The following GDF6 variants were observed in gnomAD, a reference collection of about 807,000 sequenced individuals.
GDF6 encodes growth differentiation factor 6.
Under a neutral mutation model 32.4 loss-of-function variants are expected in GDF6, and 3 were observed. The observed-to-expected ratio is 0.09, with a 90% CI of 0.04 to 0.24. GDF6 has a LOEUF of 0.24. GDF6 is among the 10% of genes least tolerant of loss of function. GDF6 has a pLI of 1.00. For synonymous variants in GDF6, 296 were observed against 295.3 expected (o/e 1.00, Z -0.03); for missense variants, 589 against 637.9 (o/e 0.92, Z 0.83).
chr8:96,144,999 C>T lies in GDF6; in HGVS notation c.932G>A (p.Gly311Glu), dbSNP rs1323438917. ...GGCGCCCGACGGCGGCGGCCACGAC[C>T]CCTCGGCGCCCGCGCCCGGGCCCGC... ...EAAGPGAGAE[G>E]SWPPPSGAPD... Residue 311 changes from glycine (G) to glutamate (E), a missense_variant, in exon 2 of 2, where the codon GGG becomes GAG. Coordinates refer to ENST00000287020, the MANE Select transcript of GDF6 (RefSeq NM_001001557.4). The surrounding 1 kb of genome is among the most constrained non-coding windows in gnomAD (Gnocchi z 5.1). 3.6e-6 allele frequency: 5 copies of T among 1,375,592 alleles called. No homozygotes were observed. The highest frequency in any genetic ancestry group is 3.1e-5 in the East Asian group (1 of 31,934). 85.2% of individuals were successfully genotyped at this position (1,375,592 alleles called of 1,614,324 possible). A position where few individuals can be genotyped will look rare whatever the true frequency, so the allele number is the denominator to read the frequency against.
chr8:96,147,519 G>A (rs1812505884), intron 1 of GDF6, among the ~76,000 whole-genome samples: 1 of 152,228 alleles, frequency 6.6e-6, no homozygotes, highest in Admixed American at 6.5e-5. Context: ...GCTAAATGTG[G>A]TTAGGAATAA....
rs936122584 is a variant in GDF6, at chr8:96,145,560, T to C, written c.407-36A>G. Reference sequence around the variant, plus strand: ...AAAAATAATTACAGTCAGTTTCACTTAAGGGGGAGATCAGCCCGGTGCTCT... The same window carrying C: ...AAAAATAATTACAGTCAGTTTCACTCAAGGGGGAGATCAGCCCGGTGCTCT... On this transcript the variant is annotated intron_variant, in intron 1 of 1. Coordinates refer to ENST00000287020, the MANE Select transcript of GDF6 (RefSeq NM_001001557.4). This position sits in a 1 kb window ranked among gnomAD's most constrained non-coding sequence, Gnocchi z 5.6. The C allele has an allele frequency of 6.3e-7, 1 of 1,596,950 alleles. No homozygotes were observed. The highest frequency in any genetic ancestry group is 8.5e-7 in the Non-Finnish European group (1 of 1,179,398).
chr8:96,154,510 C>A (rs1184606831), intron 1 of GDF6, among the ~76,000 whole-genome samples: 1 of 150,504 alleles, frequency 6.6e-6, no homozygotes, highest in Non-Finnish European at 1.5e-5. Context: ...AACAGCCAGG[C>A]CTTGGGGTGG....
rs1812431158 is a variant in GDF6, at chr8:96,144,406, C to T, written c.*157G>A. 1 of 823,406 alleles carries T rather than the reference C, an allele frequency of 1.2e-6. No individual in the cohort carries two copies. The highest frequency in any genetic ancestry group is 1.7e-5 in the African/African-American group (1 of 58,142). The allele number at this position is 823,406 out of a possible 1,614,324, so 51.0% of individuals were successfully genotyped here. On this transcript the variant is annotated 3_prime_UTR_variant, in exon 2 of 2. Transcript: ENST00000287020. This position sits in a 1 kb window ranked among gnomAD's most constrained non-coding sequence, Gnocchi z 5.1. Reference sequence around the variant, plus strand: ...TAGAAGTTACTGGGAAGGCTGCGCTCCCTTCTCTCCCACCGGCTCTCACAT... The same window carrying T: ...TAGAAGTTACTGGGAAGGCTGCGCTTCCTTCTCTCCCACCGGCTCTCACAT...
intron 1 of GDF6, among the ~76,000 whole-genome samples, chr8:96,146,777 C>T (rs902942255): frequency 2.6e-5 from 4 of 152,088 alleles, no homozygotes; most frequent in Non-Finnish European, 5.9e-5. Flanking sequence ...AATTCTCTCA[C>T]TTTGCAACTA....
intron 1 of GDF6, among the ~76,000 whole-genome samples, chr8:96,148,237 C>T (rs948164414): frequency 2.0e-5 from 3 of 152,212 alleles, no homozygotes; most frequent in African/African-American, 7.2e-5. Flanking sequence ...TTCAAGGGGC[C>T]TCACCTGTGA....
chr8:96,153,306 T>C (rs1319345817), intron 1 of GDF6, among the ~76,000 whole-genome samples: 1 of 152,244 alleles, frequency 6.6e-6, no homozygotes, highest in Admixed American at 6.5e-5. Context: ...AAAGCTGAGA[T>C]CAAGGGCACT....
At chr8:96,152,468 G>T (rs1038529818) in intron 1 of GDF6, among the ~76,000 whole-genome samples, 8 of 152,182 alleles carry the variant, frequency 5.3e-5, no homozygotes, top group African/African-American at 1.9e-4. Flanking sequence ...GTCCTTTTGT[G>T]GGGGCACGAT....
At position 96,160,666 on chromosome 8, in the gene GDF6, C is replaced by G. The variant is rs1215904741; in HGVS notation, c.27G>C (p.Ser9=). The G allele has an allele frequency of 6.2e-7, 1 of 1,613,604 alleles. No individual in the cohort carries two copies. The highest frequency in any genetic ancestry group is 8.5e-7 in the Non-Finnish European group (1 of 1,179,618). MDTPRVLL[S]AVFLISFLWD... ...ACAGAAAACTGATGAGGAAGACGGC[C>G]GAGAGCAGGACCCTGGGAGTATCCA... Residue 9 remains serine (S), a synonymous_variant, in exon 1 of 2, where the codon TCG becomes TCC. Coordinates refer to ENST00000287020, the MANE Select transcript of GDF6 (RefSeq NM_001001557.4).
Position 96,144,279 on chromosome 8 carries a change from AGAGAGAGAG to A in GDF6, c.*275_*283del. On this transcript the variant is annotated 3_prime_UTR_variant, in exon 2 of 2. Coordinates refer to ENST00000287020, the MANE Select transcript of GDF6 (RefSeq NM_001001557.4). This position sits in a 1 kb window ranked among gnomAD's most constrained non-coding sequence, Gnocchi z 5.1. ...GAGAGAGAGAGAGAGAGAGAGAGAGAGAGAGAGAGAGAAAACAGAACAAAAGAAATCCTC... is the reference window on the plus strand; with the variant it reads ...GAGAGAGAGAGAGAGAGAGAGAGAGAAGAAAACAGAACAAAAGAAATCCTC... The A allele has an allele frequency of 2.1e-6, 1 of 481,212 alleles. No individual in the cohort carries two copies. Among genetic ancestry groups the A allele is most frequent in the South Asian group, 2.1e-5 (1 of 47,792 alleles). The allele number at this position is 481,212 out of a possible 1,614,324, so 29.8% of individuals were successfully genotyped here. A position where few individuals can be genotyped will look rare whatever the true frequency, so the allele number is the denominator to read the frequency against.
In GDF6 at chr8:96,144,290, G is replaced by GAGAGAGAGAA. The variant is rs1416099236; in HGVS notation, c.*272_*273insTTCTCTCTCT. On this transcript the variant is annotated 3_prime_UTR_variant, in exon 2 of 2. Coordinates refer to ENST00000287020, the MANE Select transcript of GDF6 (RefSeq NM_001001557.4). This position sits in a 1 kb window ranked among gnomAD's most constrained non-coding sequence, Gnocchi z 5.1. ...AGAGAGAGAGAGAGAGAGAGAGAGA[G>GAGAGAGAGAA]AAAACAGAACAAAAGAAATCCTCCT... 9.6e-5 allele frequency: 42 copies of GAGAGAGAGAA among 439,300 alleles called. No homozygotes were observed. Among genetic ancestry groups the GAGAGAGAGAA allele is most frequent in the Admixed American group, 2.2e-4 (6 of 27,806 alleles). The allele number at this position is 439,300 out of a possible 1,614,324, so 27.2% of individuals were successfully genotyped here.
At chr8:96,159,996 C>T (rs907929653) in intron 1 of GDF6, among the ~76,000 whole-genome samples, 2 of 152,168 alleles carry the variant, frequency 1.3e-5, no homozygotes, top group Admixed American at 6.5e-5. Flanking sequence ...CTCCACGTTT[C>T]CCCCACCAGC....
chr8:96,143,986 T>A lies in GDF6; in HGVS notation c.*577A>T, dbSNP rs75587676. The A allele has an allele frequency of 0.02, 3,261 of 160,238 alleles. 60 individuals carry two copies. The highest frequency in any genetic ancestry group is 0.083 in the Middle Eastern group (25 of 302). 9.9% of individuals were successfully genotyped at this position (160,238 alleles called of 1,614,324 possible). ...TGACTTAACTATTCTTTTTGCCAAT[T>A]TCCCTATCTAACACTTTCTGTGTGG... On this transcript the variant is annotated 3_prime_UTR_variant, in exon 2 of 2. Coordinates refer to ENST00000287020, the MANE Select transcript of GDF6 (RefSeq NM_001001557.4).
At chr8:96,158,255 G>A (rs1812703042) in intron 1 of GDF6, among the ~76,000 whole-genome samples, 1 of 152,178 alleles carries the variant, frequency 6.6e-6, no homozygotes, top group Non-Finnish European at 1.5e-5. Flanking sequence ...TCCCCAGACT[G>A]GGTGCACATG....
Position 96,145,173 on chromosome 8 carries a change from T to G in GDF6, c.758A>C (p.Gln253Pro). ...CCGCAGGTCCGGGGGCGGCGGTTGC[T>G]GGGGTCCCCGCGCGCGCGCCTCGGC... Reference protein sequence around the residue: ...GEAEARARGPQQPPPPDLRSL... With the variant: ...GEAEARARGPPQPPPPDLRSL... The change falls in exon 2 of 2, where the codon CAG becomes CCG. Residue 253 changes from glutamine to proline, a missense_variant. Physicochemically the swap from Gln to Pro is moderately conservative, Grantham distance 76. Transcript: ENST00000287020. This position sits in a 1 kb window ranked among gnomAD's most constrained non-coding sequence, Gnocchi z 5.6. 2 of 1,499,556 alleles carry G rather than the reference T, an allele frequency of 1.3e-6. No homozygotes were observed. Among genetic ancestry groups the G allele is most frequent in the Non-Finnish European group, 1.8e-6 (2 of 1,132,156 alleles). The allele number at this position is 1,499,556 out of a possible 1,614,324, so 92.9% of individuals were successfully genotyped here.
intron 1 of GDF6, among the ~76,000 whole-genome samples, chr8:96,156,541 GC>G (rs971789458): frequency 5.3e-5 from 8 of 152,104 alleles, no homozygotes; most frequent in Admixed American, 2.6e-4. Flanking sequence ...AGTACTAGTA[GC>G]CTTTTAATGA....
At position 96,145,966 on chromosome 8, in the gene GDF6, G is replaced by A. The variant is rs1171221137; in HGVS notation, c.407-442C>T. Among the ~76,000 whole-genome samples the A allele has an allele frequency of 6.6e-6, 1 of 152,172 alleles. No homozygotes were observed. The highest frequency in any genetic ancestry group is 1.5e-5 in the Non-Finnish European group (1 of 68,030). On this transcript the variant is annotated intron_variant, in intron 1 of 1. Coordinates refer to ENST00000287020, the MANE Select transcript of GDF6 (RefSeq NM_001001557.4). This position sits in a 1 kb window ranked among gnomAD's most constrained non-coding sequence, Gnocchi z 5.6. ...CCACCCCTGAGCACCCTGATCTAAG[G>A]TAGCCTCTCCAGGTCTCTATCACAG...
chr8:96,158,360 CGCGTCTA>C (rs1812705833), intron 1 of GDF6, among the ~76,000 whole-genome samples: 1 of 152,196 alleles, frequency 6.6e-6, no homozygotes, highest in Non-Finnish European at 1.5e-5. Context: ...AAAGTGATTT[CGCGTCTA>C]CGCCGGATTG....
rs2440199 is a variant in GDF6, at chr8:96,144,183, T to C, written c.*380A>G. ...CAGTTGAGAAACGGGTATGCATCTC[T>C]CCTCCCCTCCCCTTCTATCAAAGCC... On this transcript the variant is annotated 3_prime_UTR_variant, in exon 2 of 2. Transcript: ENST00000287020. This position sits in a 1 kb window ranked among gnomAD's most constrained non-coding sequence, Gnocchi z 5.1. The C allele has an allele frequency of 0.61, 136,429 of 223,256 alleles. 45,123 individuals carry two copies. The highest frequency in any genetic ancestry group is 0.88 in the African/African-American group (36,993 of 42,226). 13.8% of individuals were successfully genotyped at this position (223,256 alleles called of 1,614,324 possible). A position where few individuals can be genotyped will look rare whatever the true frequency, so the allele number is the denominator to read the frequency against.
Sources: allele counts gnomAD v4.1 joint callset (sites outside exome capture counted in the v4.1 genomes callset), GRCh38; gene constraint gnomAD v4.1.1; non-coding constraint Gnocchi (gnomAD v3.1); transcripts MANE v1.5; gene names NCBI Gene and HGNC (gene_info 2026-07-23, HGNC 2026-07-21).